The following PURA variants were observed in gnomAD, a reference collection of about 807,000 sequenced individuals.
PURA encodes transcriptional activator protein Pur-alpha.
Under a neutral mutation model 23.1 loss-of-function variants are expected in PURA, and 2 were observed. The ratio of observed to expected loss-of-function variants is 0.09; its 90% CI spans 0.04 to 0.27. The LOEUF (loss-of-function observed/expected upper bound fraction) is 0.27, where lower values mean the gene tolerates loss of function less well. Ranked by LOEUF, PURA falls within the 10% of genes least tolerant of loss-of-function variation. The pLI, the probability that PURA is intolerant of heterozygous loss-of-function variation, is 1.00. For missense variants in PURA, 187 were observed against 449.7 expected (o/e 0.42, Z 5.28); for synonymous variants, 254 against 205.9 (o/e 1.23, Z -2.00).
At position 140,118,021 on chromosome 5, in the gene PURA, A is replaced by G. The variant is rs1214870261; in HGVS notation, c.*2871A>G. The G allele has an allele frequency of 6.0e-6, 1 of 166,714 alleles. No homozygotes were observed. The highest frequency in any genetic ancestry group is 1.5e-5 in the Non-Finnish European group (1 of 68,018). The allele number at this position is 166,714 out of a possible 1,614,324, so 10.3% of individuals were successfully genotyped here. On this transcript the variant is annotated 3_prime_UTR_variant, in exon 1 of 1. Transcript: ENST00000331327. ...CTCCCAGGTGCTCGGTACTTTACCTAGTTTCTATATATCAGTGTTTTATGT... is the reference window on the plus strand; with the variant it reads ...CTCCCAGGTGCTCGGTACTTTACCTGGTTTCTATATATCAGTGTTTTATGT...
chr5:140,114,838 C>G lies in PURA; in HGVS notation c.657C>G (p.Pro219=). 4 of 1,614,178 alleles carry G rather than the reference C, an allele frequency of 2.5e-6. No homozygotes were observed. The highest frequency in any genetic ancestry group is 1.6e-4 in the Middle Eastern group (1 of 6,062). The part of the protein sequence containing the change: ...YGVEEEPAEL[P]EGTSLTVDNK... ...TGGAGGAGGAGCCGGCCGAGCTGCC[C>G]GAGGGCACCTCCTTGACTGTGGACA... Residue 219 remains proline (P), a synonymous_variant, in exon 1 of 1, where the codon CCC becomes CCG. Coordinates refer to ENST00000331327, the MANE Select transcript of PURA (RefSeq NM_005859.5).
In PURA at chr5:140,115,178, C is replaced by A; in HGVS notation, c.*28C>A. The A allele has an allele frequency of 7.6e-7, 1 of 1,324,396 alleles. No individual in the cohort carries two copies. The highest frequency in any genetic ancestry group is 1.0e-6 in the Non-Finnish European group (1 of 967,824). 82.0% of individuals were successfully genotyped at this position (1,324,396 alleles called of 1,614,324 possible). On this transcript the variant is annotated 3_prime_UTR_variant, in exon 1 of 1. Coordinates refer to ENST00000331327, the MANE Select transcript of PURA (RefSeq NM_005859.5). This position sits in a 1 kb window ranked among gnomAD's most constrained non-coding sequence, Gnocchi z 4.1. ...AAACTGAATGAAACCCCCACACACA[C>A]ACACATGCATACACACACACACACA...
chr5:140,114,956 G>A lies in PURA; in HGVS notation c.775G>A (p.Val259Met), dbSNP rs2126749396. The A allele has an allele frequency of 6.2e-7, 1 of 1,614,184 alleles. No individual in the cohort carries two copies. The highest frequency in any genetic ancestry group is 1.1e-5 in the South Asian group (1 of 91,076). Residue 259 changes from valine (V) to methionine (M), a missense_variant, in exon 1 of 1, where the codon GTG becomes ATG. Val to Met is a conservative substitution (Grantham distance 21). Around this residue, in one of 9 missense-constraint regions of PURA, gnomAD observed 65 missense variants for 158.6 expected, o/e 0.41. Coordinates refer to ENST00000331327, the MANE Select transcript of PURA (RefSeq NM_005859.5). ...GCCCACCTATCGCAACTCCATCACC[G>A]TGCCCTACAAGGTGTGGGCCAAGTT... ...VKPTYRNSIT[V>M]PYKVWAKFGH...
In PURA at chr5:140,114,751, G is replaced by T. The variant is rs777342954; in HGVS notation, c.570G>T (p.Leu190=). The T allele has an allele frequency of 8.1e-6, 13 of 1,612,500 alleles. No homozygotes were observed. Among genetic ancestry groups the T allele is most frequent in the Non-Finnish European group, 1.0e-5 (12 of 1,179,314 alleles). ...LGSTQGQTIA[L]PAQGLIEFRD... ...CCACGCAGGGCCAGACCATTGCGCTGCCCGCGCAGGGGCTCATCGAGTTCC... is the reference window on the plus strand; with the variant it reads ...CCACGCAGGGCCAGACCATTGCGCTTCCCGCGCAGGGGCTCATCGAGTTCC... Residue 190 remains leucine (L), a synonymous_variant, in exon 1 of 1, where the codon CTG becomes CTT. Transcript: ENST00000331327.
chr5:140,123,234 C>A lies in PURA; in HGVS notation c.*8084C>A, dbSNP rs922095555. ...TGAATTCCCAAACCTGTGTCAAGAA[C>A]TTGTGATTTAAATGACTGTGAGACA... On this transcript the variant is annotated 3_prime_UTR_variant, in exon 1 of 1. Coordinates refer to ENST00000331327, the MANE Select transcript of PURA (RefSeq NM_005859.5). 1 of 166,664 alleles carries A rather than the reference C, an allele frequency of 6.0e-6. No homozygotes were observed. Among genetic ancestry groups the A allele is most frequent in the African/African-American group, 2.4e-5 (1 of 41,190 alleles). 10.3% of individuals were successfully genotyped at this position (166,664 alleles called of 1,614,324 possible). A position where few individuals can be genotyped will look rare whatever the true frequency, so the allele number is the denominator to read the frequency against.
In PURA at chr5:140,119,335, A is replaced by T. The variant is rs1338235557; in HGVS notation, c.*4185A>T. The T allele has an allele frequency of 6.0e-6, 1 of 166,908 alleles. No homozygotes were observed. Among genetic ancestry groups the T allele is most frequent in the Non-Finnish European group, 1.5e-5 (1 of 67,968 alleles). 10.3% of individuals were successfully genotyped at this position (166,908 alleles called of 1,614,324 possible). A position where few individuals can be genotyped will look rare whatever the true frequency, so the allele number is the denominator to read the frequency against. ...GTAAAACAGTTTGCTTTGTACTGGCATACAGAAAATAGGGTATTGATTTTA... is the reference window on the plus strand; with the variant it reads ...GTAAAACAGTTTGCTTTGTACTGGCTTACAGAAAATAGGGTATTGATTTTA... On this transcript the variant is annotated 3_prime_UTR_variant, in exon 1 of 1. Coordinates refer to ENST00000331327, the MANE Select transcript of PURA (RefSeq NM_005859.5).
rs188104194 is a variant in PURA, at chr5:140,118,845, G to C, written c.*3695G>C. 2 of 166,860 alleles carry C rather than the reference G, an allele frequency of 1.2e-5. No individual in the cohort carries two copies. The highest frequency in any genetic ancestry group is 3.9e-4 in the East Asian group (2 of 5,190). The allele number at this position is 166,860 out of a possible 1,614,324, so 10.3% of individuals were successfully genotyped here. ...TCAGGCCTTCACATCTAGAGAGATG[G>C]ATAACTTCCAATTTGATTTTTCAGG... On this transcript the variant is annotated 3_prime_UTR_variant, in exon 1 of 1. Coordinates refer to ENST00000331327, the MANE Select transcript of PURA (RefSeq NM_005859.5).
At position 140,115,265 on chromosome 5, in the gene PURA, A is replaced by G. The variant is rs1429888484; in HGVS notation, c.*115A>G. The G allele has an allele frequency of 1.3e-6, 1 of 754,400 alleles. No individual in the cohort carries two copies. The highest frequency in any genetic ancestry group is 2.0e-6 in the Non-Finnish European group (1 of 511,358). 46.7% of individuals were successfully genotyped at this position (754,400 alleles called of 1,614,324 possible). ...GAAAATAAAAAGTTAAAAAGTTAAAAAAAAAAAAAAACCTGTTAACTCCAA... is the reference window on the plus strand; with the variant it reads ...GAAAATAAAAAGTTAAAAAGTTAAAGAAAAAAAAAAACCTGTTAACTCCAA... On this transcript the variant is annotated 3_prime_UTR_variant, in exon 1 of 1. Coordinates refer to ENST00000331327, the MANE Select transcript of PURA (RefSeq NM_005859.5). The surrounding 1 kb of genome is among the most constrained non-coding windows in gnomAD (Gnocchi z 4.1).
chr5:140,116,671 A>G lies in PURA; in HGVS notation c.*1521A>G, dbSNP rs1178214033. On this transcript the variant is annotated 3_prime_UTR_variant, in exon 1 of 1. Transcript: ENST00000331327. ...GTTTGTGTGCTTTTAATTGACAACTAACTTCTTGCTGCTGTATAGTAAAAT... is the reference window on the plus strand; with the variant it reads ...GTTTGTGTGCTTTTAATTGACAACTGACTTCTTGCTGCTGTATAGTAAAAT... 1 of 166,950 alleles carries G rather than the reference A, an allele frequency of 6.0e-6. No homozygotes were observed. Among genetic ancestry groups the G allele is most frequent in the Non-Finnish European group, 1.5e-5 (1 of 68,098 alleles). The allele number at this position is 166,950 out of a possible 1,614,324, so 10.3% of individuals were successfully genotyped here.
At position 140,120,725 on chromosome 5, in the gene PURA, T is replaced by TG. The variant is rs887411534; in HGVS notation, c.*5576dup. 1 of 166,804 alleles carries TG rather than the reference T, an allele frequency of 6.0e-6. No individual in the cohort carries two copies. Among genetic ancestry groups the TG allele is most frequent in the Non-Finnish European group, 1.5e-5 (1 of 67,962 alleles). 10.3% of individuals were successfully genotyped at this position (166,804 alleles called of 1,614,324 possible). A position where few individuals can be genotyped will look rare whatever the true frequency, so the allele number is the denominator to read the frequency against. Reference sequence around the variant, plus strand: ...GAAATAATGATTGGTTTCAAGCCAATGAATCTGCTAAGCTAACTACCAAGT... The same window carrying TG: ...GAAATAATGATTGGTTTCAAGCCAATGGAATCTGCTAAGCTAACTACCAAGT... On this transcript the variant is annotated 3_prime_UTR_variant, in exon 1 of 1. Transcript: ENST00000331327.
In PURA at chr5:140,115,607, A is replaced by G. The variant is rs1305000212; in HGVS notation, c.*457A>G. The stretch of plus-strand genomic sequence containing the variant: ...ATAAAAGTCCTTTTCATGTTGAGCT[A>G]ACATTTGACTTTAGCACAAAAAAGA... On this transcript the variant is annotated 3_prime_UTR_variant, in exon 1 of 1. Coordinates refer to ENST00000331327, the MANE Select transcript of PURA (RefSeq NM_005859.5). The surrounding 1 kb of genome is among the most constrained non-coding windows in gnomAD (Gnocchi z 4.1). 1 of 167,230 alleles carries G rather than the reference A, an allele frequency of 6.0e-6. No homozygotes were observed. Among genetic ancestry groups the G allele is most frequent in the African/African-American group, 2.4e-5 (1 of 41,480 alleles). The allele number at this position is 167,230 out of a possible 1,614,324, so 10.4% of individuals were successfully genotyped here.
Position 140,114,250 on chromosome 5 carries a change from C to T in PURA, c.69C>T (p.His23=). 8.3e-7 allele frequency: 1 copy of T among 1,199,416 alleles called. No individual in the cohort carries two copies. The highest frequency in any genetic ancestry group is 1.0e-6 in the Non-Finnish European group (1 of 970,794). 74.3% of individuals were successfully genotyped at this position (1,199,416 alleles called of 1,614,324 possible). A position where few individuals can be genotyped will look rare whatever the true frequency, so the allele number is the denominator to read the frequency against. The part of the protein sequence containing the change: ...AALGSGGSLG[H]PGSGSGSGGG... Reference sequence around the variant, plus strand: ...TGGGTTCGGGCGGCTCCCTGGGGCACCCCGGCTCGGGCTCAGGCTCCGGCG... The same window carrying T: ...TGGGTTCGGGCGGCTCCCTGGGGCATCCCGGCTCGGGCTCAGGCTCCGGCG... Residue 23 remains histidine (H), a synonymous_variant, in exon 1 of 1, where the codon CAC becomes CAT. Transcript: ENST00000331327.
At position 140,116,899 on chromosome 5, in the gene PURA, A is replaced by G. The variant is rs1206503923; in HGVS notation, c.*1749A>G. The G allele has an allele frequency of 2.4e-5, 4 of 166,626 alleles. No homozygotes were observed. The highest frequency in any genetic ancestry group is 7.3e-5 in the African/African-American group (3 of 41,358). The allele number at this position is 166,626 out of a possible 1,614,324, so 10.3% of individuals were successfully genotyped here. On this transcript the variant is annotated 3_prime_UTR_variant, in exon 1 of 1. Coordinates refer to ENST00000331327, the MANE Select transcript of PURA (RefSeq NM_005859.5). ...ATTGTTTCTTGGCAAATCCAGCCAT[A>G]TAGATCTAACTGCTGTATGTATAAG...
At position 140,117,777 on chromosome 5, in the gene PURA, T is replaced by A. The variant is rs1763103945; in HGVS notation, c.*2627T>A. On this transcript the variant is annotated 3_prime_UTR_variant, in exon 1 of 1. Coordinates refer to ENST00000331327, the MANE Select transcript of PURA (RefSeq NM_005859.5). ...TAATTGTCTTTACACTAAAACAGTT[T>A]AATACAATCTAACTACGATTTTGAA... 1 of 165,526 alleles carries A rather than the reference T, an allele frequency of 6.0e-6. No individual in the cohort carries two copies. Among genetic ancestry groups the A allele is most frequent in the Admixed American group, 6.5e-5 (1 of 15,284 alleles). 10.3% of individuals were successfully genotyped at this position (165,526 alleles called of 1,614,324 possible).
In PURA at chr5:140,121,265, A is replaced by G. The variant is rs990173173; in HGVS notation, c.*6115A>G. 2.4e-5 allele frequency: 4 copies of G among 166,962 alleles called. No individual in the cohort carries two copies. Among genetic ancestry groups the G allele is most frequent in the African/African-American group, 9.7e-5 (4 of 41,446 alleles). The allele number at this position is 166,962 out of a possible 1,614,324, so 10.3% of individuals were successfully genotyped here. ...TGTGTGTTTTGGTCTAAGGTAGATT[A>G]TTAACACAGAAGGATCCTAGGAGGA... is the stretch of plus-strand genomic sequence containing the variant. On this transcript the variant is annotated 3_prime_UTR_variant, in exon 1 of 1. Transcript: ENST00000331327.
Position 140,119,202 on chromosome 5 carries a change from A to G in PURA, c.*4052A>G, listed in dbSNP as rs1390872256. The G allele has an allele frequency of 2.4e-5, 4 of 166,900 alleles. No homozygotes were observed. The highest frequency in any genetic ancestry group is 2.0e-4 in the Admixed American group (3 of 15,264). 10.3% of individuals were successfully genotyped at this position (166,900 alleles called of 1,614,324 possible). ...TGGTGAATATTATTAATATTGTATAATAGGAGTGGGAAGACTGCCTCCTTT... is the reference window on the plus strand; with the variant it reads ...TGGTGAATATTATTAATATTGTATAGTAGGAGTGGGAAGACTGCCTCCTTT... On this transcript the variant is annotated 3_prime_UTR_variant, in exon 1 of 1. Coordinates refer to ENST00000331327, the MANE Select transcript of PURA (RefSeq NM_005859.5).
In PURA at chr5:140,114,790, C is replaced by T; in HGVS notation, c.609C>T (p.Ala203=). The T allele has an allele frequency of 6.2e-7, 1 of 1,613,816 alleles. No homozygotes were observed. Among genetic ancestry groups the T allele is most frequent in the Non-Finnish European group, 8.5e-7 (1 of 1,179,826 alleles). ...QGLIEFRDAL[A]KLIDDYGVEE... Reference sequence around the variant, plus strand: ...TCATCGAGTTCCGTGACGCTCTGGCCAAGCTCATCGACGACTACGGAGTGG... The same window carrying T: ...TCATCGAGTTCCGTGACGCTCTGGCTAAGCTCATCGACGACTACGGAGTGG... The change falls in exon 1 of 1, where the codon GCC becomes GCT. Residue 203 remains alanine (A), a synonymous_variant. Coordinates refer to ENST00000331327, the MANE Select transcript of PURA (RefSeq NM_005859.5).
chr5:140,114,127 T>C lies in PURA; in HGVS notation c.-55T>C, dbSNP rs1763032593. 1 of 390,034 alleles carries C rather than the reference T, an allele frequency of 2.6e-6. No individual in the cohort carries two copies. The highest frequency in any genetic ancestry group is 5.5e-5 in the East Asian group (1 of 18,338). The allele number at this position is 390,034 out of a possible 1,614,324, so 24.2% of individuals were successfully genotyped here. On this transcript the variant is annotated 5_prime_UTR_variant, in exon 1 of 1. Transcript: ENST00000331327. Reference sequence around the variant, plus strand: ...GGAAAGCAGCGGCGGCTGAGGCGACTGAGGCGGCGGGCGGAGCGGCAGGCG... The same window carrying C: ...GGAAAGCAGCGGCGGCTGAGGCGACCGAGGCGGCGGGCGGAGCGGCAGGCG...
rs1180912722 is a variant in PURA at position 140,121,105 on chromosome 5, A to G, written c.*5955A>G. On this transcript the variant is annotated 3_prime_UTR_variant, in exon 1 of 1. Coordinates refer to ENST00000331327, the MANE Select transcript of PURA (RefSeq NM_005859.5). ...CAATTAGCTTATTTTGTAGCATTAG[A>G]TGGAAAAATGTTTAAGCTAAAGAGT... The G allele has an allele frequency of 6.0e-6, 1 of 166,934 alleles. No individual in the cohort carries two copies. Among genetic ancestry groups the G allele is most frequent in the Non-Finnish European group, 1.5e-5 (1 of 68,014 alleles). The allele number at this position is 166,934 out of a possible 1,614,324, so 10.3% of individuals were successfully genotyped here.
Sources: gnomAD v4.1 joint callset for allele counts on GRCh38, gnomAD v4.1.1 for gene constraint, gnomAD v4.1.1 regional missense constraint, Gnocchi (gnomAD v3.1) non-coding constraint, MANE v1.5 for transcripts, NCBI Gene and HGNC (gene_info 2026-07-23, HGNC 2026-07-21) for gene names.